Variants in PRUNE2 observed in about 807,000 individuals in gnomAD.
PRUNE2 encodes prune homolog 2 with BCH domain.
PRUNE2 carries 164 observed loss-of-function variants against 252.0 expected under a neutral mutation model. The ratio of observed to expected loss-of-function variants is 0.65; its 90% CI spans 0.57 to 0.74. The LOEUF (loss-of-function observed/expected upper bound fraction) is 0.74, where lower values mean the gene tolerates loss of function less well. Ranked by LOEUF, PRUNE2 falls within the 30% of genes least tolerant of loss-of-function variation. The pLI, the probability that PRUNE2 is intolerant of heterozygous loss-of-function variation, is 0.00. For synonymous variants in PRUNE2, 1,292 were observed against 1,350.2 expected (o/e 0.96, Z 0.94); for missense variants, 3,495 against 3,711.0 (o/e 0.94, Z 1.51).
intron 4 of PRUNE2, among the ~76,000 whole-genome samples, chr9:76,836,908 A>T (rs960148530): frequency 3.3e-5 from 5 of 152,230 alleles, no homozygotes; most frequent in Non-Finnish European, 4.4e-5. Context: ...TAATTAGTAT[A>T]CAAATGATCT....
chr9:76,781,967 C>G (rs2054457335), intron 6 of PRUNE2, among the ~76,000 whole-genome samples: 1 of 152,048 alleles, frequency 6.6e-6, no homozygotes, highest in Admixed American at 6.6e-5. Context: ...GTAATCCCAG[C>G]ACTTTGGGAG....
At chr9:76,776,687 C>G (rs1313067001) in intron 6 of PRUNE2, among the ~76,000 whole-genome samples, 1 of 151,146 alleles carries the variant, frequency 6.6e-6, no homozygotes, top group Non-Finnish European at 1.5e-5. Context: ...GCTAGTATTT[C>G]TAGTTTTAGT....
rs537989906 is a variant in PRUNE2 at position 76,646,966 on chromosome 9, T to A, written c.8558-2057A>T. Among the ~76,000 whole-genome samples, 10 of 152,198 alleles carry A rather than the reference T, an allele frequency of 6.6e-5. No individual in the cohort carries two copies. The South Asian group carries it at 2.1e-3, about 32-fold the overall frequency. On this transcript the variant is annotated intron_variant, in intron 11 of 18. Transcript: ENST00000376718. ...CACTCTGAAGGCCAAGGCAGGTGGA[T>A]CACTTGAGCTCAGGGGTTCAAGACC...
In PRUNE2 at chr9:76,789,028, A is replaced by G. The variant is rs544188228; in HGVS notation, c.756+34604T>C. 2.6e-5 allele frequency among the ~76,000 whole-genome samples: 4 copies of G among 152,254 alleles called. No homozygotes were observed. In the South Asian group the frequency reaches 8.3e-4, roughly 32 times the overall value. ...GGAGGGAGGGCCTAGTAGGAGCTTG[A>G]GGTATTTCCTCATAATTTTCTTCAG... is the stretch of plus-strand genomic sequence containing the variant. On this transcript the variant is annotated intron_variant, in intron 6 of 18. Transcript: ENST00000376718.
chr9:76,893,675 C>T (rs998065688), intron 1 of PRUNE2, among the ~76,000 whole-genome samples: 3 of 152,238 alleles, frequency 2.0e-5, no homozygotes, highest in East Asian at 1.9e-4. Flanking sequence ...TGAAAGAATT[C>T]CACAGAAGTG....
chr9:76,905,297 G>T (rs959142460), intron 1 of PRUNE2, among the ~76,000 whole-genome samples: 2 of 152,134 alleles, frequency 1.3e-5, no homozygotes, highest in African/African-American at 4.8e-5. Flanking sequence ...GTCTGCTCCC[G>T]GGAGAACGAT....
chr9:76,829,368 T>A (rs1305893348), intron 4 of PRUNE2, among the ~76,000 whole-genome samples: 1 of 152,128 alleles, frequency 6.6e-6, no homozygotes, highest in African/African-American at 2.4e-5. Flanking sequence ...AAAACTAAAG[T>A]TTAGGGCCCT....
intron 9 of PRUNE2, among the ~76,000 whole-genome samples, chr9:76,684,744 CT>C (rs1317649780): frequency 6.6e-6 from 1 of 152,158 alleles, no homozygotes; most frequent in Non-Finnish European, 1.5e-5. Context: ...ACTCACTCCA[CT>C]TCTGCCTCTT....
chr9:76,898,110 CGGGGTTA>C (rs2062953940), intron 1 of PRUNE2, among the ~76,000 whole-genome samples: 1 of 152,094 alleles, frequency 6.6e-6, no homozygotes, highest in South Asian at 2.1e-4. Flanking sequence ...GTAAAAGTGG[CGGGGTTA>C]GGATTTGAAA....
intron 1 of PRUNE2, among the ~76,000 whole-genome samples, chr9:76,875,036 C>T (rs577798434): frequency 1.3e-5 from 2 of 152,200 alleles, no homozygotes; most frequent in South Asian, 2.1e-4. Context: ...GCTTTTCTCC[C>T]GCTACACACA....
chr9:76,849,422 G>A (rs1040471862), intron 3 of PRUNE2, among the ~76,000 whole-genome samples: 3 of 152,014 alleles, frequency 2.0e-5, no homozygotes, highest in African/African-American at 7.3e-5. Flanking sequence ...TCTTTCCTAA[G>A]AACCATTCAG....
chr9:76,624,977 G>A (rs1486747112), intron 16 of PRUNE2: 1 of 1,236,680 alleles, frequency 8.1e-7, no homozygotes, highest in East Asian at 5.6e-5. Context: ...AAACACTGGT[G>A]TACACACACA....
chr9:76,858,054 A>T (rs920439952), intron 1 of PRUNE2, among the ~76,000 whole-genome samples: 3 of 152,220 alleles, frequency 2.0e-5, no homozygotes, highest in African/African-American at 7.2e-5. Flanking sequence ...TGTGCTATGG[A>T]TGATTCACAA....
intron 6 of PRUNE2, among the ~76,000 whole-genome samples, chr9:76,820,900 G>T (rs930013586): frequency 5.8e-4 from 89 of 152,148 alleles, no homozygotes; most frequent in African/African-American, 2.0e-3. Context: ...TAGCAAAGGG[G>T]CGAACTGCAA....
chr9:76,754,525 C>T (rs977748316), intron 6 of PRUNE2, among the ~76,000 whole-genome samples: 2 of 152,158 alleles, frequency 1.3e-5, no homozygotes, highest in Non-Finnish European at 2.9e-5. Context: ...CAACTCCTTG[C>T]TGAGTTTTAC....
chr9:76,886,227 C>T (rs1318610356), intron 1 of PRUNE2, among the ~76,000 whole-genome samples: 1 of 151,554 alleles, frequency 6.6e-6, no homozygotes, highest in Non-Finnish European at 1.5e-5. Flanking sequence ...TGCTCTTACA[C>T]GTGATCATGA....
intron 6 of PRUNE2, among the ~76,000 whole-genome samples, chr9:76,719,245 G>C (rs2047417841): frequency 6.6e-6 from 1 of 150,916 alleles, no homozygotes. Flanking sequence ...TTTTTTTTTA[G>C]CTAGGAGGAA....
intron 6 of PRUNE2, among the ~76,000 whole-genome samples, chr9:76,753,535 C>G (rs1234087798): frequency 6.6e-6 from 1 of 152,084 alleles, no homozygotes; most frequent in East Asian, 1.9e-4. Flanking sequence ...ATGAATGTTA[C>G]AACACCTGAG....
Position 76,708,248 on chromosome 9 carries a change from C to G in PRUNE2, c.4026G>C (p.Glu1342Asp). ...TCTCCACACCAGAGGCGATCACCTC[C>G]TCTTCATCAAGGTGCCCCCTGTCAG... ...GATDRGHLDE[E>D]EVIASGVENA... The change falls in exon 8 of 19, where the codon GAG becomes GAC. Residue 1342 changes from glutamate to aspartate, a missense_variant. Coordinates refer to ENST00000376718, the MANE Select transcript of PRUNE2 (RefSeq NM_015225.3). 1.2e-6 allele frequency: 2 copies of G among 1,613,964 alleles called. No homozygotes were observed. The highest frequency in any genetic ancestry group is 1.7e-6 in the Non-Finnish European group (2 of 1,179,898).
Sources: allele counts gnomAD v4.1 joint callset (sites outside exome capture counted in the v4.1 genomes callset), GRCh38; gene constraint gnomAD v4.1.1; transcripts MANE v1.5; gene names NCBI Gene and HGNC (gene_info 2026-07-23, HGNC 2026-07-21).